The following OLFM4 variants were observed in gnomAD, a reference collection of about 807,000 sequenced individuals.
OLFM4 encodes olfactomedin 4, also known as olfactomedin-4.
OLFM4 carries 22 observed loss-of-function variants against 25.5 expected under a neutral mutation model. The observed-to-expected ratio is 0.86, with a 90% CI of 0.62 to 1.23. The LOEUF (loss-of-function observed/expected upper bound fraction) is 1.23, where lower values mean the gene tolerates loss of function less well. OLFM4 is among the 50% of genes most tolerant of loss of function. OLFM4 has a pLI of 0.00. For synonymous variants in OLFM4, 255 were observed against 237.7 expected, an observed-to-expected ratio of 1.07 and a Z score of -0.67; for missense variants, 594 against 619.4, an observed-to-expected ratio of 0.96 and a Z score of 0.44.
At position 53,028,846 on chromosome 13, in the gene OLFM4, G is replaced by A. The variant is rs1161034850; in HGVS notation, c.10G>A (p.Gly4Ser). The change falls in exon 1 of 5, where the codon GGC becomes AGC. Residue 4 changes from glycine (G) to serine (S), a missense_variant. Transcript: ENST00000219022. MRP[G>S]LSFLLALLFF... ...CAGCTAAGAGGACAAGATGAGGCCC[G>A]GCCTCTCATTTCTCCTAGCCCTTCT... 15 of 1,614,060 alleles carry A rather than the reference G, an allele frequency of 9.3e-6. No homozygotes were observed. In the East Asian group the frequency reaches 1.1e-4, roughly 12 times the overall value.
chr13:53,031,015 A>G (rs1229329440), intron 1 of OLFM4, among the ~76,000 whole-genome samples: 1 of 152,232 alleles, frequency 6.6e-6, no homozygotes, highest in East Asian at 1.9e-4. Flanking sequence ...GCATTTGGGT[A>G]AGATTATCAA....
chr13:53,043,357 G>A (rs2138238701), intron 4 of OLFM4, 93 bp downstream of exon 4: 7 of 704,784 alleles, frequency 9.9e-6, no homozygotes, highest in Admixed American at 6.8e-5. Context: ...AATGGTGAAA[G>A]AAGAAGGTGG....
chr13:53,050,651 G>T lies in OLFM4; in HGVS notation c.1413G>T (p.Met471Ile), dbSNP rs1566321611. 3 of 1,613,910 alleles carry T rather than the reference G, an allele frequency of 1.9e-6. No homozygotes were observed. The highest frequency in any genetic ancestry group is 2.7e-5 in the African/African-American group (2 of 75,022). The part of the protein sequence containing the change: ...TGKEGKLDIV[M>I]HKMQEKVQSI... ...AAGAGGGCAAACTAGACATTGTAAT[G>T]CATAAGATGCAGGAAAAAGTGCAGA... is the stretch of plus-strand genomic sequence containing the variant. Residue 471 changes from methionine to isoleucine, a missense_variant, in exon 5 of 5, where the codon ATG (methionine) becomes ATT (isoleucine). Met to Ile is a conservative substitution (Grantham distance 10, BLOSUM62 1). Transcript: ENST00000219022.
intron 1 of OLFM4, among the ~76,000 whole-genome samples, chr13:53,029,545 A>T (rs1242232992): frequency 6.6e-6 from 1 of 152,070 alleles, no homozygotes; most frequent in East Asian, 1.9e-4. Flanking sequence ...CCCTCGAGGG[A>T]GTGAGAGCCG....
At position 53,050,558 on chromosome 13, in the gene OLFM4, G is replaced by C. The variant is rs1301813685; in HGVS notation, c.1320G>C (p.Leu440=). The change falls in exon 5 of 5, where the codon CTG becomes CTC. Residue 440 remains leucine, a synonymous_variant. Transcript: ENST00000219022. ...ACGCCTTCATGGTATGTGGGGTTCT[G>C]TATGCCACCCGTACTATGAACACCA... ...ASNAFMVCGV[L]YATRTMNTRT... 5 of 1,613,970 alleles carry C rather than the reference G, an allele frequency of 3.1e-6. No homozygotes were observed. The highest frequency in any genetic ancestry group is 3.4e-6 in the Non-Finnish European group (4 of 1,179,962).
At chr13:53,039,508 T>C (rs890396511) in intron 2 of OLFM4, among the ~76,000 whole-genome samples, 2 of 152,338 alleles carry the variant, frequency 1.3e-5, no homozygotes, top group Non-Finnish European at 2.9e-5. Flanking sequence ...ACAGGAACTA[T>C]ACAAATAAAA....
intron 2 of OLFM4, among the ~76,000 whole-genome samples, chr13:53,040,035 G>A (rs1954679399): frequency 6.6e-6 from 1 of 152,140 alleles, no homozygotes; most frequent in Non-Finnish European, 1.5e-5. Context: ...CAGGCACTGT[G>A]GATCAGCTAC....
intron 4 of OLFM4, among the ~76,000 whole-genome samples, chr13:53,048,355 G>A (rs540360526): frequency 6.7e-4 from 102 of 152,226 alleles, no homozygotes; most frequent in African/African-American, 2.4e-3. Flanking sequence ...ATTTGAGGTT[G>A]GATACAGAGT....
At position 53,050,738 on chromosome 13, in the gene OLFM4, T is replaced by C; in HGVS notation, c.1500T>C (p.Asn500=). 1 of 1,604,822 alleles carries C rather than the reference T, an allele frequency of 6.2e-7. No homozygotes were observed. The highest frequency in any genetic ancestry group is 8.5e-7 in the Non-Finnish European group (1 of 1,176,338). Residue 500 remains asparagine (N), a synonymous_variant, in exon 5 of 5, where the codon AAT becomes AAC. Coordinates refer to ENST00000219022, the MANE Select transcript of OLFM4 (RefSeq NM_006418.5). The part of the protein sequence containing the change: ...LYVYNDGYLL[N]YDLSVLQKPQ ...TCTATAACGATGGTTACCTTCTGAA[T>C]TATGATCTTTCTGTCTTGCAGAAGC...
chr13:53,040,712 A>G (rs1954682509), intron 2 of OLFM4, among the ~76,000 whole-genome samples: 1 of 152,206 alleles, frequency 6.6e-6, no homozygotes, highest in Non-Finnish European at 1.5e-5. Flanking sequence ...CAACCCCCAC[A>G]AGAAATGACA....
intron 4 of OLFM4, among the ~76,000 whole-genome samples, chr13:53,045,571 A>G (rs1265031888): frequency 1.3e-5 from 2 of 152,154 alleles, no homozygotes; most frequent in African/African-American, 4.8e-5. Flanking sequence ...ATTCTCTATT[A>G]TGGGACTTTA....
At chr13:53,034,538 G>GAAACA (rs756678237) in intron 2 of OLFM4, 38 bp downstream of exon 2, 1 of 1,541,336 alleles carries the variant, frequency 6.5e-7, no homozygotes, top group South Asian at 1.2e-5. Flanking sequence ...TTGATAAAGA[G>GAAACA]AAACAAAACA....
Position 53,050,595 on chromosome 13 carries a change from A to G in OLFM4, c.1357A>G (p.Ile453Val). 1 of 1,613,962 alleles carries G rather than the reference A, an allele frequency of 6.2e-7. No individual in the cohort carries two copies. The highest frequency in any genetic ancestry group is 8.5e-7 in the Non-Finnish European group (1 of 1,179,976). ...TRTMNTRTEEIFYYYDTNTGK... is the reference protein window; with the variant it reads ...TRTMNTRTEEVFYYYDTNTGK... ...TACTATGAACACCAGAACAGAAGAG[A>G]TTTTTTACTATTATGACACAAACAC... Residue 453 changes from isoleucine (I) to valine (V), a missense_variant, in exon 5 of 5, where the codon ATT becomes GTT. Ile to Val is a conservative substitution (Grantham distance 29, BLOSUM62 3). Coordinates refer to ENST00000219022, the MANE Select transcript of OLFM4 (RefSeq NM_006418.5).
At chr13:53,045,888 T>C (rs1954713183) in intron 4 of OLFM4, among the ~76,000 whole-genome samples, 1 of 152,246 alleles carries the variant, frequency 6.6e-6, no homozygotes, top group South Asian at 2.1e-4. Context: ...AGTCTGTCTC[T>C]GTTTTGCCTG....
At position 53,043,268 on chromosome 13, in the gene OLFM4, A is replaced by C; in HGVS notation, c.730+4A>C. ...GTCCACCCTCCTCCCACTCCAGGTA[A>C]GCATGCCAGTTTTTTTAACCACTTG... On this transcript the variant is annotated splice_donor_region_variant and intron_variant, in intron 4 of 4. Coordinates refer to ENST00000219022, the MANE Select transcript of OLFM4 (RefSeq NM_006418.5). The C allele has an allele frequency of 6.3e-7, 1 of 1,589,338 alleles. No individual in the cohort carries two copies. Among genetic ancestry groups the C allele is most frequent in the Non-Finnish European group, 8.5e-7 (1 of 1,169,696 alleles).
intron 2 of OLFM4, among the ~76,000 whole-genome samples, chr13:53,040,939 C>A (rs930806375): frequency 2.0e-5 from 3 of 152,136 alleles, no homozygotes; most frequent in African/African-American, 7.2e-5. Flanking sequence ...CATCTCATAC[C>A]AGTCCAGAAT....
intron 2 of OLFM4, among the ~76,000 whole-genome samples, chr13:53,040,095 A>T (rs1455668051): frequency 6.6e-6 from 1 of 152,250 alleles, no homozygotes; most frequent in African/African-American, 2.4e-5. Context: ...TCAAATTTTT[A>T]AAAAGCATAT....
intron 4 of OLFM4, 63 bp from the exon 5 acceptor site, chr13:53,049,906 A>G (rs1954736013): frequency 6.8e-7 from 1 of 1,464,858 alleles, no homozygotes; most frequent in African/African-American, 1.4e-5. Context: ...TAGGATATTA[A>G]ACTATTTGTA....
In OLFM4 at chr13:53,043,054, G is replaced by C. The variant is rs1402136272; in HGVS notation, c.571-51G>C. The C allele has an allele frequency of 3.5e-6, 5 of 1,436,220 alleles. No individual in the cohort carries two copies. The South Asian group carries it at 6.9e-5, about 20-fold the overall frequency. The allele number at this position is 1,436,220 out of a possible 1,614,324, so 89.0% of individuals were successfully genotyped here. On this transcript the variant is annotated intron_variant, in intron 3 of 4. Transcript: ENST00000219022. The stretch of plus-strand genomic sequence containing the variant: ...ACAAATTCAGCCCTGGAATGTTTAT[G>C]AAAGAAATTGCACCATAATATAAAG...
Sources: gnomAD v4.1 joint callset for allele counts (sites outside exome capture counted in the v4.1 genomes callset) on GRCh38, gnomAD v4.1.1 for gene constraint, MANE v1.5 for transcripts, NCBI Gene and HGNC (gene_info 2026-07-23, HGNC 2026-07-21) for gene names.